The following RAB23 variants were observed in gnomAD, a reference collection of about 807,000 sequenced individuals.
The protein encoded by RAB23 is RAB23, member RAS oncogene family, also known as ras-related protein Rab-23.
In RAB23, 15 loss-of-function variants were observed where a neutral mutation model predicts 30.0. That is an observed-to-expected ratio of 0.50 (90% CI 0.33 to 0.77). The LOEUF (loss-of-function observed/expected upper bound fraction) is 0.77, where lower values mean the gene tolerates loss of function less well. Ranked by LOEUF, RAB23 falls within the 30% of genes least tolerant of loss-of-function variation. RAB23 has a pLI of 0.02. For missense variants in RAB23, 243 were observed against 275.4 expected (o/e 0.88, Z 0.83); for synonymous variants, 93 against 94.0 (o/e 0.99, Z 0.06).
chr6:57,198,843 A>G (rs1231464091), intron 3 of RAB23, among the ~76,000 whole-genome samples: 2 of 152,186 alleles, frequency 1.3e-5, no homozygotes, highest in Non-Finnish European at 2.9e-5. Flanking sequence ...GAGGAAGCAT[A>G]TATGATGGAA....
intron 3 of RAB23, 100 bp from the exon 4 acceptor site, chr6:57,196,706 T>C: frequency 6.8e-7 from 1 of 1,472,710 alleles, no homozygotes; most frequent in Non-Finnish European, 9.2e-7. Context: ...GGGGCAACTT[T>C]TATCCATTCA....
At chr6:57,207,774 T>C in intron 2 of RAB23, 61 bp from the exon 3 acceptor site, 1 of 1,121,276 alleles carries the variant, frequency 8.9e-7, no homozygotes, top group East Asian at 2.4e-5. Context: ...AATATAGCTT[T>C]GTGTATATTT....
chr6:57,204,280 C>G (rs1480168118), intron 3 of RAB23, among the ~76,000 whole-genome samples: 1 of 152,140 alleles, frequency 6.6e-6, no homozygotes, highest in Non-Finnish European at 1.5e-5. Context: ...ATATAGATTT[C>G]TTCAAGAGAC....
chr6:57,196,934 C>T (rs965700054), intron 3 of RAB23, among the ~76,000 whole-genome samples: 1 of 152,018 alleles, frequency 6.6e-6, no homozygotes, highest in African/African-American at 2.4e-5. Flanking sequence ...TTTGGAATAC[C>T]ATAAAATACT....
chr6:57,207,793 CA>C (rs1765503466), intron 2 of RAB23, 80 bp from the exon 3 acceptor site: 4 of 986,668 alleles, frequency 4.1e-6, no homozygotes, highest in African/African-American at 1.6e-5. Flanking sequence ...TTTTCATTTT[CA>C]AATCCAAAGA....
intron 3 of RAB23, among the ~76,000 whole-genome samples, chr6:57,206,359 A>C (rs1005693813): frequency 6.6e-6 from 1 of 152,202 alleles, no homozygotes; most frequent in Non-Finnish European, 1.5e-5. Flanking sequence ...GCCACAAGCC[A>C]CCAGTAGTGG....
In RAB23 at chr6:57,202,600, G is replaced by A. The variant is rs554060870; in HGVS notation, c.241+5028C>T. ...AAGGAAATCAACATGAGGAGGTACC[G>A]GTACCACACAGGGAAGAGACAAAGC... On this transcript the variant is annotated intron_variant, in intron 3 of 6. Transcript: ENST00000468148. 7.9e-5 allele frequency among the ~76,000 whole-genome samples: 12 copies of A among 152,280 alleles called. No homozygotes were observed. The East Asian group carries it at 2.1e-3, about 27-fold the overall frequency.
intron 1 of RAB23, among the ~76,000 whole-genome samples, chr6:57,213,294 G>C (rs1442863072): frequency 6.6e-6 from 1 of 152,170 alleles, no homozygotes; most frequent in Non-Finnish European, 1.5e-5. Context: ...AACGGTACCA[G>C]TCCACGGCCT....
chr6:57,216,087 T>C (rs1295672483), intron 1 of RAB23, among the ~76,000 whole-genome samples: 1 of 152,222 alleles, frequency 6.6e-6, no homozygotes, highest in African/African-American at 2.4e-5. Flanking sequence ...TATGTTTAGA[T>C]ACACAAATAT....
chr6:57,217,551 G>A (rs947443336), intron 1 of RAB23, among the ~76,000 whole-genome samples: 5 of 152,006 alleles, frequency 3.3e-5, no homozygotes, highest in South Asian at 2.1e-4. Flanking sequence ...CAAGTGATCC[G>A]CCCGCCGTGG....
intron 3 of RAB23, among the ~76,000 whole-genome samples, chr6:57,203,381 A>G (rs989212964): frequency 1.3e-5 from 2 of 152,252 alleles, no homozygotes; most frequent in Non-Finnish European, 1.5e-5. Context: ...TTAAAAAGTA[A>G]TAACTGCCAC....
chr6:57,203,528 CCTA>C (rs1765346004), intron 3 of RAB23, among the ~76,000 whole-genome samples: 1 of 152,062 alleles, frequency 6.6e-6, no homozygotes, highest in Non-Finnish European at 1.5e-5. Context: ...CTCAAGTAAT[CCTA>C]CTTCTTTCTG....
intron 3 of RAB23, among the ~76,000 whole-genome samples, chr6:57,200,452 A>G (rs1414350286): frequency 1.4e-5 from 2 of 146,850 alleles, no homozygotes; most frequent in Admixed American, 1.4e-4. Flanking sequence ...CAGGAGAATC[A>G]CTTGAACCCT....
chr6:57,215,431 T>A (rs1462848216), intron 1 of RAB23, among the ~76,000 whole-genome samples: 1 of 152,232 alleles, frequency 6.6e-6, no homozygotes, highest in Non-Finnish European at 1.5e-5. Flanking sequence ...TGGGGAAAAG[T>A]AATTTGAACG....
intron 2 of RAB23, 111 bp downstream of exon 2, chr6:57,210,115 C>A: frequency 8.7e-7 from 1 of 1,146,352 alleles, no homozygotes; most frequent in South Asian, 1.3e-5. Context: ...TGAGCATTGC[C>A]ACTAGTTGCC....
chr6:57,197,569 T>C (rs1765071405), intron 3 of RAB23, among the ~76,000 whole-genome samples: 1 of 152,194 alleles, frequency 6.6e-6, no homozygotes, highest in Admixed American at 6.5e-5. Flanking sequence ...ACTCAAGATA[T>C]GTCTGGGCTA....
intron 3 of RAB23, among the ~76,000 whole-genome samples, chr6:57,201,922 G>T (rs1040961269): frequency 1.3e-5 from 2 of 152,170 alleles, no homozygotes; most frequent in Non-Finnish European, 2.9e-5. Context: ...TCTGTGCTCT[G>T]TTGTAACCTA....
At chr6:57,216,654 T>C (rs913224761) in intron 1 of RAB23, among the ~76,000 whole-genome samples, 15 of 152,110 alleles carry the variant, frequency 9.9e-5, no homozygotes, top group Admixed American at 2.6e-4. Context: ...AAAGAGTGGC[T>C]GCTCCATAGA....
At chr6:57,191,585 G>A (rs1764844032) in intron 6 of RAB23, among the ~76,000 whole-genome samples, 1 of 151,880 alleles carries the variant, frequency 6.6e-6, no homozygotes, top group Admixed American at 6.6e-5. Context: ...GAGTAGCTGG[G>A]ACTACAGCCG....
Sources: allele counts gnomAD v4.1 joint callset (sites outside exome capture counted in the v4.1 genomes callset), GRCh38; gene constraint gnomAD v4.1.1; transcripts MANE v1.5; gene names NCBI Gene and HGNC (gene_info 2026-07-23, HGNC 2026-07-21).